Variants in COL15A1 observed in about 807,000 individuals in gnomAD.
COL15A1 encodes collagen alpha-1(XV) chain.
A neutral mutation model predicts 165.9 loss-of-function variants in COL15A1; 111 were observed. That is an observed-to-expected ratio of 0.67 (90% CI 0.57 to 0.78). The LOEUF is 0.78. Among genes scored for constraint, COL15A1 ranks in the 30% least tolerant of loss-of-function variants. The pLI, the probability that COL15A1 is intolerant of heterozygous loss-of-function variation, is 0.00. For synonymous variants in COL15A1, 659 were observed against 674.8 expected, an observed-to-expected ratio of 0.98 and a Z score of 0.36; for missense variants, 1,745 against 1,789.7, an observed-to-expected ratio of 0.98 and a Z score of 0.45.
At chr9:99,069,554 A>T (rs1462493863) in intron 41 of COL15A1, 119 bp from the exon 42 acceptor site, 1 of 1,295,878 alleles carries the variant, frequency 7.7e-7, no homozygotes, top group Non-Finnish European at 1.1e-6. Context: ...TAGAGAAGTG[A>T]TTTGGCATCA....
At chr9:98,991,441 G>A (rs963322516) in intron 5 of COL15A1, among the ~76,000 whole-genome samples, 1 of 152,196 alleles carries the variant, frequency 6.6e-6, no homozygotes, top group African/African-American at 2.4e-5. Flanking sequence ...CAATCCTCTA[G>A]CTAGACACAA....
intron 2 of COL15A1, among the ~76,000 whole-genome samples, chr9:98,965,309 C>G (rs968118727): frequency 1.3e-5 from 2 of 152,140 alleles, no homozygotes; most frequent in African/African-American, 4.8e-5. Flanking sequence ...CTCCAGTCTC[C>G]TAAAGGAAAA....
Position 99,023,394 on chromosome 9 carries a change from G to A in COL15A1, c.1799G>A (p.Gly600Asp). The part of the protein sequence containing the change: ...AEAEGSGLGW[G>D]SDVGSGSGDL... ...GCAGAGGGCTCTGGCCTAGGCTGGG[G>A]CTCGGACGTCGGCTCTGGCTCTGGT... Residue 600 changes from glycine (G) to aspartate (D), a missense_variant, in exon 14 of 42, where the codon GGC (glycine) becomes GAC (aspartate). Physicochemically the swap from Gly to Asp is moderately conservative, Grantham distance 94 (BLOSUM62 -1). Coordinates refer to ENST00000375001, the MANE Select transcript of COL15A1 (RefSeq NM_001855.5). 1 of 1,610,320 alleles carries A rather than the reference G, an allele frequency of 6.2e-7. No homozygotes were observed. The highest frequency in any genetic ancestry group is 8.5e-7 in the Non-Finnish European group (1 of 1,177,108).
At chr9:98,958,160 C>T (rs538544991) in intron 2 of COL15A1, among the ~76,000 whole-genome samples, 1 of 152,388 alleles carries the variant, frequency 6.6e-6, no homozygotes, top group African/African-American at 2.4e-5. Flanking sequence ...CATTCCTTTG[C>T]TCTTCTTCTG....
chr9:99,068,467 CA>C (rs34451429), intron 40 of COL15A1, 87 bp from the exon 41 acceptor site: 36,425 of 269,874 alleles, frequency 0.13, 54 homozygotes, highest in Middle Eastern at 0.16. Context: ...GAAACTGTGT[CA>C]AAAAAAAAAA....
At chr9:99,035,254 G>C in intron 18 of COL15A1, 96 bp from the exon 19 acceptor site, 3 of 1,598,488 alleles carry the variant, frequency 1.9e-6, no homozygotes. Context: ...AGGCTGTGCG[G>C]ATTCCCCTGT....
intron 26 of COL15A1, among the ~76,000 whole-genome samples, chr9:99,047,560 G>T (rs1219075204): frequency 2.0e-5 from 3 of 152,168 alleles, no homozygotes; most frequent in Admixed American, 6.5e-5. Flanking sequence ...GTTGGAGCCT[G>T]CAGGAAAGCA....
Position 99,068,630 on chromosome 9 carries a change from T to C in COL15A1, c.3913T>C (p.Tyr1305His), listed in dbSNP as rs767877646. The change falls in exon 41 of 42, where the codon TAC becomes CAC. Residue 1305 changes from tyrosine to histidine, a missense_variant. Transcript: ENST00000375001. Reference protein sequence around the residue: ...GGQFNMHIPIYSFDGRDIMTD... With the variant: ...GGQFNMHIPIHSFDGRDIMTD... ...TCAGTTCAATATGCATATTCCAATA[T>C]ACTCCTTTGATGGTCGAGACATAAT... is the stretch of plus-strand genomic sequence containing the variant. 1.9e-6 allele frequency: 3 copies of C among 1,560,232 alleles called. No homozygotes were observed. The highest frequency in any genetic ancestry group is 2.6e-6 in the Non-Finnish European group (3 of 1,162,124).
intron 16 of COL15A1, among the ~76,000 whole-genome samples, chr9:99,028,873 C>T (rs1839172297): frequency 6.6e-6 from 1 of 152,074 alleles, no homozygotes; most frequent in Non-Finnish European, 1.5e-5. Flanking sequence ...TTAAATGATA[C>T]CTCAAAAAGA....
rs747424432 is a variant in COL15A1, at chr9:99,066,910, T to C, written c.3680T>C (p.Phe1227Ser). 1.9e-6 allele frequency: 3 copies of C among 1,614,020 alleles called. No homozygotes were observed. In the Admixed American group the frequency reaches 5.0e-5, roughly 27 times the overall value. Residue 1227 changes from phenylalanine to serine, a missense_variant, in exon 40 of 42, where the codon TTT becomes TCT. Coordinates refer to ENST00000375001, the MANE Select transcript of COL15A1 (RefSeq NM_001855.5). ...ALHLAALNMP[F>S]SGDIRADFQC... The stretch of plus-strand genomic sequence containing the variant: ...CATTTGGCTGCTCTGAACATGCCAT[T>C]TTCTGGGGACATTCGAGCTGATTTT...
chr9:98,985,423 G>A (rs1037065946), intron 2 of COL15A1, 142 bp from the exon 3 acceptor site: 24 of 821,634 alleles, frequency 2.9e-5, no homozygotes, highest in East Asian at 8.1e-5. Context: ...TTGTCAAAAC[G>A]TTTGAAAAAC....
chr9:98,985,317 T>A (rs1207399862), intron 2 of COL15A1, among the ~76,000 whole-genome samples: 1 of 152,212 alleles, frequency 6.6e-6, no homozygotes, highest in Non-Finnish European at 1.5e-5. Flanking sequence ...GAGTATTAAA[T>A]CATGTTCTAT....
intron 35 of COL15A1, among the ~76,000 whole-genome samples, chr9:99,057,818 G>C (rs1173024428): frequency 1.3e-5 from 2 of 152,140 alleles, no homozygotes; most frequent in African/African-American, 4.8e-5. Flanking sequence ...AGCATACCTG[G>C]AAAGAGACCT....
At chr9:98,946,482 T>C (rs1276827583) in intron 2 of COL15A1, among the ~76,000 whole-genome samples, 1 of 152,148 alleles carries the variant, frequency 6.6e-6, no homozygotes. Flanking sequence ...CAAAGCACAA[T>C]GTCACCTTCA....
chr9:98,973,156 C>G (rs565130782), intron 2 of COL15A1, among the ~76,000 whole-genome samples: 1 of 152,276 alleles, frequency 6.6e-6, no homozygotes, highest in Admixed American at 6.5e-5. Context: ...AGCCAGGACC[C>G]CAGCTCCAGG....
intron 31 of COL15A1, among the ~76,000 whole-genome samples, chr9:99,053,879 G>A (rs1477301727): frequency 6.6e-6 from 1 of 152,164 alleles, no homozygotes; most frequent in Non-Finnish European, 1.5e-5. Context: ...TTGGGAACGA[G>A]GAATTCAAAG....
chr9:99,053,797 G>A (rs1352309917), intron 31 of COL15A1, among the ~76,000 whole-genome samples: 2 of 151,580 alleles, frequency 1.3e-5, no homozygotes, highest in East Asian at 1.9e-4. Flanking sequence ...AGCCTGAGTC[G>A]CTAGCCTCAT....
chr9:99,014,177 A>G (rs1038232442), intron 9 of COL15A1, among the ~76,000 whole-genome samples: 2 of 152,208 alleles, frequency 1.3e-5, no homozygotes, highest in African/African-American at 4.8e-5. Flanking sequence ...GAAATTAGGA[A>G]CAGCTGGTTG....
At chr9:99,037,672 C>G (rs1283059268) in intron 21 of COL15A1, among the ~76,000 whole-genome samples, 1 of 152,142 alleles carries the variant, frequency 6.6e-6, no homozygotes, top group Non-Finnish European at 1.5e-5. Context: ...CTGTAACTGA[C>G]AGGCAAATGA....
Sources: gnomAD v4.1 joint callset for allele counts (sites outside exome capture counted in the v4.1 genomes callset) on GRCh38, gnomAD v4.1.1 for gene constraint, MANE v1.5 for transcripts, NCBI Gene and HGNC (gene_info 2026-07-23, HGNC 2026-07-21) for gene names.